Variants in DRD2 observed in about 807,000 individuals in gnomAD.
DRD2 encodes the protein dopamine receptor D2.
A neutral mutation model predicts 38.0 loss-of-function variants in DRD2; 8 were observed. That is an observed-to-expected ratio of 0.21 (90% CI 0.12 to 0.38). DRD2 has a LOEUF of 0.38. Among genes scored for constraint, DRD2 ranks in the 10% least tolerant of loss-of-function variants. The pLI is 1.00. For synonymous variants in DRD2, 230 were observed against 238.6 expected (o/e 0.96, Z 0.33); for missense variants, 403 against 607.7 (o/e 0.66, Z 3.54).
chr11:113,444,667 G>A (rs556998956), intron 1 of DRD2, among the ~76,000 whole-genome samples: 3 of 152,296 alleles, frequency 2.0e-5, no homozygotes, highest in South Asian at 2.1e-4. Flanking sequence ...TGATGATGAC[G>A]GTGATTGCTC....
chr11:113,427,697 T>C (rs1406669654), intron 1 of DRD2, among the ~76,000 whole-genome samples: 2 of 151,998 alleles, frequency 1.3e-5, no homozygotes, highest in African/African-American at 4.8e-5. Flanking sequence ...TAACAAGTGA[T>C]GAAAAAGTAA....
chr11:113,460,899 T>C (rs1951312572), intron 1 of DRD2, among the ~76,000 whole-genome samples: 1 of 152,272 alleles, frequency 6.6e-6, no homozygotes, highest in African/African-American at 2.4e-5. Context: ...GTCCCAAAGC[T>C]GGCCTGAGAA....
At chr11:113,436,235 C>T (rs1278948716) in intron 1 of DRD2, among the ~76,000 whole-genome samples, 1 of 152,072 alleles carries the variant, frequency 6.6e-6, no homozygotes, top group Non-Finnish European at 1.5e-5. Context: ...TAAAATTTCA[C>T]CACAGGAATG....
At chr11:113,436,772 C>T (rs576439056) in intron 1 of DRD2, among the ~76,000 whole-genome samples, 97 of 152,248 alleles carry the variant, frequency 6.4e-4, no homozygotes, top group African/African-American at 2.3e-3. Flanking sequence ...ATCTAATCTG[C>T]TCCTTAACCC....
At chr11:113,455,903 C>G (rs1259616020) in intron 1 of DRD2, among the ~76,000 whole-genome samples, 1 of 152,122 alleles carries the variant, frequency 6.6e-6, no homozygotes, top group African/African-American at 2.4e-5. Context: ...CTAAAAATAG[C>G]ATTACCATAT....
chr11:113,456,136 T>G (rs1951266196), intron 1 of DRD2, among the ~76,000 whole-genome samples: 1 of 152,236 alleles, frequency 6.6e-6, no homozygotes, highest in Admixed American at 6.5e-5. Flanking sequence ...TTCTGTCATT[T>G]ATGACAACTT....
chr11:113,417,060 A>G (rs1354319000), intron 3 of DRD2, 61 bp from the exon 4 acceptor site: 2 of 1,594,300 alleles, frequency 1.3e-6, no homozygotes, highest in South Asian at 1.1e-5. Context: ...ACTCCACAAT[A>G]TGCACACACC....
At chr11:113,463,079 C>G (rs565744053) in intron 1 of DRD2, among the ~76,000 whole-genome samples, 6 of 152,198 alleles carry the variant, frequency 3.9e-5, no homozygotes, top group African/African-American at 1.4e-4. Context: ...TGTGAGAAAA[C>G]GGGAATGTTG....
chr11:113,456,191 CAGAA>C (rs1951266818), intron 1 of DRD2, among the ~76,000 whole-genome samples: 1 of 152,182 alleles, frequency 6.6e-6, no homozygotes, highest in Non-Finnish European at 1.5e-5. Flanking sequence ...AAGCCAAGCA[CAGAA>C]AGACATTGTA....
At chr11:113,466,635 G>A (rs944280347) in intron 1 of DRD2, among the ~76,000 whole-genome samples, 1 of 152,148 alleles carries the variant, frequency 6.6e-6, no homozygotes, top group African/African-American at 2.4e-5. Flanking sequence ...ACCTCTAGTG[G>A]GGGATGCCTC....
At chr11:113,464,002 T>G (rs1951345883) in intron 1 of DRD2, among the ~76,000 whole-genome samples, 1 of 152,184 alleles carries the variant, frequency 6.6e-6, no homozygotes, top group Non-Finnish European at 1.5e-5. Context: ...AGGTTACAGG[T>G]GGCACACTGG....
chr11:113,448,234 C>T (rs1951171826), intron 1 of DRD2, among the ~76,000 whole-genome samples: 1 of 152,148 alleles, frequency 6.6e-6, no homozygotes, highest in Non-Finnish European at 1.5e-5. Context: ...ATCTCTTGTC[C>T]ATAGGCCAGT....
intron 1 of DRD2, among the ~76,000 whole-genome samples, chr11:113,432,803 T>C (rs1951000724): frequency 6.6e-6 from 1 of 152,164 alleles, no homozygotes; most frequent in South Asian, 2.1e-4. Context: ...GACCTTCTTT[T>C]AGCATCTCTT....
chr11:113,436,940 G>T (rs1372113233), intron 1 of DRD2, among the ~76,000 whole-genome samples: 1 of 152,080 alleles, frequency 6.6e-6, no homozygotes, highest in Non-Finnish European at 1.5e-5. Context: ...GCCCTGTCCA[G>T]GACAGATGGA....
intron 1 of DRD2, among the ~76,000 whole-genome samples, chr11:113,441,770 G>C (rs963198306): frequency 6.6e-6 from 1 of 152,106 alleles, no homozygotes; most frequent in Non-Finnish European, 1.5e-5. Context: ...GGATCACAAG[G>C]TCAGGAGATC....
At chr11:113,417,850 G>A (rs187616221) in intron 3 of DRD2, among the ~76,000 whole-genome samples, 177 bp downstream of exon 3, 1 of 152,120 alleles carries the variant, frequency 6.6e-6, no homozygotes, top group African/African-American at 2.4e-5. Flanking sequence ...GGGAGTGTGT[G>A]CTCTCCTAGC....
chr11:113,448,226 C>T (rs74903308), intron 1 of DRD2, among the ~76,000 whole-genome samples: 1 of 152,272 alleles, frequency 6.6e-6, no homozygotes, highest in African/African-American at 2.4e-5. Context: ...CTGATGAGAT[C>T]TCTTGTCCAT....
intron 1 of DRD2, among the ~76,000 whole-genome samples, chr11:113,426,935 C>T (rs905494118): frequency 2.3e-4 from 35 of 152,208 alleles, no homozygotes; most frequent in South Asian, 6.2e-4. Flanking sequence ...TTTACTCAAT[C>T]GGCATTTATT....
rs965363224 is a variant in DRD2, at chr11:113,412,705, T to C, written c.989A>G (p.His330Arg). The C allele has an allele frequency of 1.2e-6, 2 of 1,614,230 alleles. No homozygotes were observed. The highest frequency in any genetic ancestry group is 1.3e-5 in the African/African-American group (1 of 75,056). The change falls in exon 7 of 8, where the codon CAT (histidine) becomes CGT (arginine). Residue 330 changes from histidine to arginine, a missense_variant. Around this residue, in one of 4 missense-constraint regions of DRD2, gnomAD observed 166 missense variants for 178.6 expected, o/e 0.93. Coordinates refer to ENST00000362072, the MANE Select transcript of DRD2 (RefSeq NM_000795.4). ...GGCAATCTTGGGGTGGTCTTTGGCA[T>C]GCCCATTCTTCTCTGGTTTGGCGGG... The part of the protein sequence containing the change: ...DSPAKPEKNG[H>R]AKDHPKIAKI...
Sources: gnomAD v4.1 joint callset for allele counts (sites outside exome capture counted in the v4.1 genomes callset) on GRCh38, gnomAD v4.1.1 for gene constraint, gnomAD v4.1.1 regional missense constraint, MANE v1.5 for transcripts, NCBI Gene and HGNC (gene_info 2026-07-23, HGNC 2026-07-21) for gene names.